The following PRPF39 variants were observed in gnomAD, a reference collection of about 807,000 sequenced individuals.
The protein encoded by PRPF39 is pre-mRNA processing factor 39.
PRPF39 carries 27 observed loss-of-function variants against 82.1 expected under a neutral mutation model. The ratio of observed to expected loss-of-function variants is 0.33; its 90% confidence interval spans 0.24 to 0.45. The LOEUF is 0.45. PRPF39 is among the 20% of genes least tolerant of loss of function. The pLI, the probability that PRPF39 is intolerant of heterozygous loss-of-function variation, is 1.00. For missense variants in PRPF39, 581 were observed against 796.9 expected, an observed-to-expected ratio of 0.73 and a Z score of 3.26; for synonymous variants, 261 against 256.4, an observed-to-expected ratio of 1.02 and a Z score of -0.17.
At chr14:45,085,051 A>T (rs1479218846) in intron 1 of PRPF39, among the ~76,000 whole-genome samples, 1 of 152,182 alleles carries the variant, frequency 6.6e-6, no homozygotes, top group Non-Finnish European at 1.5e-5. Flanking sequence ...TCTGTTCAGA[A>T]ATAAACTTTG....
intron 11 of PRPF39, 90 bp downstream of exon 11, chr14:45,112,592 T>G (rs1053369203): frequency 8.3e-7 from 1 of 1,202,868 alleles, no homozygotes; most frequent in African/African-American, 1.6e-5. Flanking sequence ...GATTAATACA[T>G]TGTTAAATTT....
At position 45,095,365 on chromosome 14, in the gene PRPF39, A is replaced by T. The variant is rs747352009; in HGVS notation, c.126A>T (p.Glu42Asp). The change falls in exon 2 of 14, where the codon GAA becomes GAT. Residue 42 changes from glutamate (E) to aspartate (D), a missense_variant. Coordinates refer to ENST00000355765, the MANE Select transcript of PRPF39 (RefSeq NM_017922.4). ...STEIMNVTEMEQSPDDSPNVN... is the reference protein window; with the variant it reads ...STEIMNVTEMDQSPDDSPNVN... ...AGATTATGAACGTTACAGAAATGGAACAGTCACCTGATGACTCTCCCAATG... is the reference window on the plus strand; with the variant it reads ...AGATTATGAACGTTACAGAAATGGATCAGTCACCTGATGACTCTCCCAATG... 2 of 1,613,984 alleles carry T rather than the reference A, an allele frequency of 1.2e-6. No homozygotes were observed. The highest frequency in any genetic ancestry group is 1.7e-6 in the Non-Finnish European group (2 of 1,179,848).
chr14:45,098,897 T>A (rs1884285775), intron 4 of PRPF39, among the ~76,000 whole-genome samples: 1 of 152,196 alleles, frequency 6.6e-6, no homozygotes, highest in Admixed American at 6.5e-5. Context: ...TATAACTTCT[T>A]GTTAAAGGAT....
In PRPF39 at chr14:45,115,892, C is replaced by T. The variant is rs1884822039; in HGVS notation, c.*979C>T. The T allele has an allele frequency of 7.5e-6, 2 of 266,988 alleles. No individual in the cohort carries two copies. The highest frequency in any genetic ancestry group is 1.5e-5 in the Non-Finnish European group (2 of 135,888). 16.5% of individuals were successfully genotyped at this position (266,988 alleles called of 1,614,324 possible). ...AATAATATATTAACACCAAACAAAT[C>T]ACAGTCAGATCAAGACAGTGGATCA... On this transcript the variant is annotated 3_prime_UTR_variant, in exon 14 of 14. Transcript: ENST00000355765.
Position 45,110,497 on chromosome 14 carries a change from C to G in PRPF39, c.1304-52C>G. 1.3e-6 allele frequency: 2 copies of G among 1,496,014 alleles called. No homozygotes were observed. Among genetic ancestry groups the G allele is most frequent in the Non-Finnish European group, 1.8e-6 (2 of 1,105,426 alleles). The allele number at this position is 1,496,014 out of a possible 1,614,324, so 92.7% of individuals were successfully genotyped here. On this transcript the variant is annotated intron_variant, in intron 9 of 13. Transcript: ENST00000355765. The surrounding 1 kb of genome is among the most constrained non-coding windows in gnomAD (Gnocchi z 4.0). Reference sequence around the variant, plus strand: ...ATTGTTGCCAGTATCTGGTTATAAACGTTATTTTGGTTGTTTAAACCAAAG... The same window carrying G: ...ATTGTTGCCAGTATCTGGTTATAAAGGTTATTTTGGTTGTTTAAACCAAAG...
At position 45,096,137 on chromosome 14, in the gene PRPF39, G is replaced by C; in HGVS notation, c.359G>C (p.Arg120Thr). ...ATGGCTGCCAGGAAGGCATTTGACA[G>C]ATTTTTCATACACTATCCGTATTGC... ...HLMAARKAFD[R>T]FFIHYPYCYG... The change falls in exon 3 of 14, where the codon AGA becomes ACA. Residue 120 changes from arginine to threonine, a missense_variant. Coordinates refer to ENST00000355765, the MANE Select transcript of PRPF39 (RefSeq NM_017922.4). 2 of 1,582,222 alleles carry C rather than the reference G, an allele frequency of 1.3e-6. No individual in the cohort carries two copies. The highest frequency in any genetic ancestry group is 1.7e-6 in the Non-Finnish European group (2 of 1,162,904).
intron 2 of PRPF39, chr14:45,095,874 C>A: frequency 2.3e-6 from 1 of 435,082 alleles, no homozygotes. Context: ...AAAAAGGGGG[C>A]TGCTGCCTGT....
At chr14:45,097,176 C>G (rs1229323414) in intron 4 of PRPF39, among the ~76,000 whole-genome samples, 171 bp downstream of exon 4, 6 of 152,010 alleles carry the variant, frequency 3.9e-5, no homozygotes. Flanking sequence ...GATAATAAAG[C>G]CCTCCTACAG....
chr14:45,100,094 C>T (rs1029799657), intron 4 of PRPF39, among the ~76,000 whole-genome samples: 1 of 152,068 alleles, frequency 6.6e-6, no homozygotes, highest in Non-Finnish European at 1.5e-5. Flanking sequence ...GCTGGGCATG[C>T]TGGCAGGAGT....
At position 45,109,769 on chromosome 14, in the gene PRPF39, T is replaced by G; in HGVS notation, c.1165T>G (p.Phe389Val). The change falls in exon 8 of 14, where the codon TTT (phenylalanine) becomes GTT (valine). Residue 389 changes from phenylalanine (F) to valine (V), a missense_variant. Transcript: ENST00000355765. ...CVISCALYEE[F>V]WIKYAKYMEN... ...CATATCATGTGCCCTCTATGAGGAG[T>G]TTTGGATTAAGGTAAGAAAATCATG... The G allele has an allele frequency of 6.2e-7, 1 of 1,601,058 alleles. No individual in the cohort carries two copies. Among genetic ancestry groups the G allele is most frequent in the Non-Finnish European group, 8.5e-7 (1 of 1,174,086 alleles).
At chr14:45,100,254 AC>A (rs1884332809) in intron 4 of PRPF39, among the ~76,000 whole-genome samples, 2 of 152,002 alleles carry the variant, frequency 1.3e-5, no homozygotes, top group South Asian at 2.1e-4. Context: ...AAACAAACAA[AC>A]AAACAAAACA....
intron 5 of PRPF39, among the ~76,000 whole-genome samples, chr14:45,105,566 G>A (rs1594733238): frequency 7.8e-6 from 1 of 127,400 alleles, no homozygotes; most frequent in Admixed American, 9.2e-5. Context: ...TCGCTCTGTT[G>A]CCCAGGCTGG....
chr14:45,097,237 G>A (rs917365626), intron 4 of PRPF39, among the ~76,000 whole-genome samples: 1 of 151,832 alleles, frequency 6.6e-6, no homozygotes, highest in African/African-American at 2.4e-5. Flanking sequence ...ATAGCTTGGT[G>A]TGTGTTCTTT....
chr14:45,113,896 T>C (rs1884764624), intron 11 of PRPF39, among the ~76,000 whole-genome samples: 1 of 152,150 alleles, frequency 6.6e-6, no homozygotes, highest in South Asian at 2.1e-4. Flanking sequence ...TAGCTGACAG[T>C]AGTAAGCTAT....
intron 4 of PRPF39, among the ~76,000 whole-genome samples, chr14:45,099,492 T>C (rs974870011): frequency 6.6e-6 from 1 of 151,546 alleles, no homozygotes; most frequent in Non-Finnish European, 1.5e-5. Flanking sequence ...TCCCCCAGGG[T>C]GGAGTGCAGT....
At chr14:45,092,237 T>C (rs1884051955) in intron 1 of PRPF39, among the ~76,000 whole-genome samples, 1 of 152,178 alleles carries the variant, frequency 6.6e-6, no homozygotes, top group Non-Finnish European at 1.5e-5. Flanking sequence ...AAATTACTAA[T>C]AGTGAGAAGG....
chr14:45,096,345 A>G (rs1884202637), intron 3 of PRPF39, 117 bp downstream of exon 3: 2 of 1,529,594 alleles, frequency 1.3e-6, no homozygotes, highest in Non-Finnish European at 1.8e-6. Flanking sequence ...TTTATGGTCA[A>G]ACAATTTTTA....
chr14:45,115,518 A>G lies in PRPF39; in HGVS notation c.*605A>G, dbSNP rs1171907424. On this transcript the variant is annotated 3_prime_UTR_variant, in exon 14 of 14. Coordinates refer to ENST00000355765, the MANE Select transcript of PRPF39 (RefSeq NM_017922.4). ...TTTCAGGAGACTTTGTATTTAGAAT[A>G]TTCATGTAAAACTTGTGAACAAGCT... is the stretch of plus-strand genomic sequence containing the variant. The G allele has an allele frequency of 6.6e-6, 1 of 152,614 alleles. No individual in the cohort carries two copies. The allele number at this position is 152,614 out of a possible 1,614,324, so 9.5% of individuals were successfully genotyped here. A position where few individuals can be genotyped will look rare whatever the true frequency, so the allele number is the denominator to read the frequency against.
intron 5 of PRPF39, among the ~76,000 whole-genome samples, chr14:45,105,961 A>C (rs1884518457): frequency 6.6e-6 from 1 of 152,232 alleles, no homozygotes; most frequent in African/African-American, 2.4e-5. Flanking sequence ...TTTAAAAGGT[A>C]CAGTCAGTAG....
Sources: allele counts gnomAD v4.1 joint callset (sites outside exome capture counted in the v4.1 genomes callset), GRCh38; gene constraint gnomAD v4.1.1; non-coding constraint Gnocchi (gnomAD v3.1); transcripts MANE v1.5; gene names NCBI Gene and HGNC (gene_info 2026-07-23, HGNC 2026-07-21).